The following TCF12 variants were observed in gnomAD, a reference collection of about 807,000 sequenced individuals.
TCF12 encodes transcription factor 12, also known as DNA-binding protein HTF4.
Under a neutral mutation model 86.0 loss-of-function variants are expected in TCF12, and 45 were observed. The observed-to-expected ratio is 0.52, with a 90% CI of 0.41 to 0.67. The LOEUF is 0.67. TCF12 is among the 30% of genes least tolerant of loss of function. The probability of loss-of-function intolerance (pLI) is 0.00; values close to 1 mark genes in which losing one functional copy is unlikely to be tolerated. For missense variants in TCF12, 881 were observed against 859.9 expected, an observed-to-expected ratio of 1.02 and a Z score of -0.31; for synonymous variants, 330 against 299.6, an observed-to-expected ratio of 1.10 and a Z score of -1.05.
intron 3 of TCF12, among the ~76,000 whole-genome samples, chr15:56,929,147 C>T (rs371193979): frequency 6.6e-6 from 1 of 152,088 alleles, no homozygotes; most frequent in Non-Finnish European, 1.5e-5. Flanking sequence ...TTACCTTCCT[C>T]CTGTTTTGGT....
At chr15:56,985,312 A>G (rs776255849) in intron 3 of TCF12, among the ~76,000 whole-genome samples, 2 of 152,194 alleles carry the variant, frequency 1.3e-5, no homozygotes, top group African/African-American at 4.8e-5. Context: ...GAATGAGGCA[A>G]TTAAATGAAG....
intron 18 of TCF12, among the ~76,000 whole-genome samples, chr15:57,271,164 C>G (rs1159185201): frequency 5.3e-5 from 8 of 152,216 alleles, no homozygotes; most frequent in African/African-American, 1.9e-4. Context: ...CAGATACGCC[C>G]TGCCCTCAGA....
chr15:57,137,181 G>A (rs1430409338), intron 5 of TCF12, among the ~76,000 whole-genome samples: 2 of 151,578 alleles, frequency 1.3e-5, no homozygotes, highest in African/African-American at 4.8e-5. Flanking sequence ...CGGTTTCACC[G>A]CATTAGCCAG....
At chr15:56,971,120 G>T (rs2062291049) in intron 3 of TCF12, among the ~76,000 whole-genome samples, 2 of 152,162 alleles carry the variant, frequency 1.3e-5, no homozygotes, top group South Asian at 4.2e-4. Flanking sequence ...CATGTATAAA[G>T]AATCTTTGAA....
At chr15:56,958,678 A>AGAGAGTGTGT (rs1198441460) in intron 3 of TCF12, among the ~76,000 whole-genome samples, 9 of 142,258 alleles carry the variant, frequency 6.3e-5, no homozygotes, top group East Asian at 6.1e-4. Flanking sequence ...AGAGAGAGAG[A>AGAGAGTGTGT]GTGTGTGTGT....
chr15:57,130,886 T>C (rs1329296056), intron 5 of TCF12, among the ~76,000 whole-genome samples: 4 of 152,222 alleles, frequency 2.6e-5, no homozygotes, highest in Admixed American at 6.5e-5. Context: ...TTAGAAAGTT[T>C]AGGTAACTGG....
chr15:56,941,664 G>A (rs1294613266), intron 3 of TCF12, among the ~76,000 whole-genome samples: 1 of 150,832 alleles, frequency 6.6e-6, no homozygotes, highest in East Asian at 2.0e-4. Flanking sequence ...CGTGAGTCAC[G>A]TGCCTGGTCT....
rs191921657 is a variant in TCF12, at chr15:56,920,275, G to A, written c.75+287G>A. Reference sequence around the variant, plus strand: ...GAGAACAATGTAATTATGACCTTTGGTTGAGTCACCCTCCCACCGCGATGA... The same window carrying A: ...GAGAACAATGTAATTATGACCTTTGATTGAGTCACCCTCCCACCGCGATGA... On this transcript the variant is annotated intron_variant, in intron 2 of 20. Coordinates refer to ENST00000333725, the MANE Select transcript of TCF12 (RefSeq NM_207037.2). 6.4e-3 allele frequency among the ~76,000 whole-genome samples: 970 copies of A among 152,072 alleles called. 4 individuals are homozygous for A. The highest frequency in any genetic ancestry group is 0.01 in the Non-Finnish European group (702 of 67,974).
At chr15:57,095,347 T>A (rs920572603) in intron 5 of TCF12, among the ~76,000 whole-genome samples, 1 of 152,210 alleles carries the variant, frequency 6.6e-6, no homozygotes. Context: ...ATTTCAGTAA[T>A]ACTTGTTTTC....
intron 9 of TCF12, among the ~76,000 whole-genome samples, chr15:57,231,593 T>C (rs1207451278): frequency 1.3e-5 from 2 of 152,180 alleles, no homozygotes; most frequent in Non-Finnish European, 2.9e-5. Flanking sequence ...TATGGATTCA[T>C]ATCATGCCTA....
chr15:57,203,165 C>A (rs1248294236), intron 8 of TCF12, among the ~76,000 whole-genome samples: 1 of 152,184 alleles, frequency 6.6e-6, no homozygotes, highest in Non-Finnish European at 1.5e-5. Flanking sequence ...GAAAAACAAT[C>A]TACAAAAGGA....
rs569347352 is a variant in TCF12 at position 57,079,846 on chromosome 15, A to G, written c.223-11943A>G. ...TTTAATTCCTTTGTTCTTTGTAGCA[A>G]TAAGGACTAACCTGAAGAGATATTT... On this transcript the variant is annotated intron_variant, in intron 4 of 20. Transcript: ENST00000333725. Among the ~76,000 whole-genome samples the G allele has an allele frequency of 2.3e-3, 345 of 152,296 alleles. 1 individual carries two copies. Among genetic ancestry groups the G allele is most frequent in the African/African-American group, 5.8e-3 (241 of 41,576 alleles).
chr15:57,010,332 G>T (rs1414656423), intron 3 of TCF12, among the ~76,000 whole-genome samples: 1 of 152,068 alleles, frequency 6.6e-6, no homozygotes, highest in Non-Finnish European at 1.5e-5. Flanking sequence ...AGGATTGCTT[G>T]AGGCCAGGAG....
intron 18 of TCF12, 123 bp downstream of exon 18, chr15:57,263,397 G>C: frequency 1.0e-6 from 1 of 1,001,220 alleles, no homozygotes; most frequent in Non-Finnish European, 1.4e-6. Context: ...TAGGATTTTT[G>C]TGTATGTTGT....
chr15:57,060,444 C>T (rs540927923), intron 3 of TCF12, among the ~76,000 whole-genome samples: 33 of 152,134 alleles, frequency 2.2e-4, no homozygotes, highest in Non-Finnish European at 3.1e-4. Context: ...AAATAATTTA[C>T]GTCTTTCTGT....
intron 8 of TCF12, 140 bp downstream of exon 8, chr15:57,197,965 T>A: frequency 1.2e-6 from 1 of 806,148 alleles, no homozygotes; most frequent in East Asian, 2.6e-5. Context: ...ACAAAATCAT[T>A]GATTGAGGTA....
Position 57,173,794 on chromosome 15 carries a change from G to A in TCF12, c.390+7328G>A, listed in dbSNP as rs544313572. 2.7e-4 allele frequency among the ~76,000 whole-genome samples: 41 copies of A among 150,320 alleles called. 1 individual carries two copies. The highest frequency in any genetic ancestry group is 9.1e-4 in the African/African-American group (37 of 40,806). On this transcript the variant is annotated intron_variant, in intron 6 of 20. Coordinates refer to ENST00000333725, the MANE Select transcript of TCF12 (RefSeq NM_207037.2). The stretch of plus-strand genomic sequence containing the variant: ...GCTATCTCGGCTCACTACATCCTCC[G>A]CCTCCCAGGTTCGAGTGATTCTCCT...
chr15:56,988,298 C>G (rs1330327095), intron 3 of TCF12, among the ~76,000 whole-genome samples: 2 of 152,136 alleles, frequency 1.3e-5, no homozygotes, highest in Non-Finnish European at 2.9e-5. Context: ...CTACTATACA[C>G]TAGACTATGT....
At chr15:57,127,312 TCATA>T (rs1203814132) in intron 5 of TCF12, among the ~76,000 whole-genome samples, 1 of 152,096 alleles carries the variant, frequency 6.6e-6, no homozygotes, top group African/African-American at 2.4e-5. Context: ...TTTTTTTTAT[TCATA>T]CATCCAGTAA....
Sources: gnomAD v4.1 joint callset for allele counts (sites outside exome capture counted in the v4.1 genomes callset) on GRCh38, gnomAD v4.1.1 for gene constraint, MANE v1.5 for transcripts, NCBI Gene and HGNC (gene_info 2026-07-23, HGNC 2026-07-21) for gene names.